Variants in ACOT13 observed in about 807,000 individuals in gnomAD.
ACOT13 encodes the protein acyl-CoA thioesterase 13, also known as acyl-coenzyme A thioesterase 13.
In ACOT13, 10 loss-of-function variants were observed where a neutral mutation model predicts 11.8. The observed-to-expected ratio is 0.85, with a 90% CI of 0.53 to 1.44. The LOEUF is 1.44. ACOT13 is among the 40% of genes most tolerant of loss of function. The pLI is 0.00. For synonymous variants in ACOT13, 53 were observed against 61.0 expected (o/e 0.87, Z 0.61); for missense variants, 172 against 174.1 (o/e 0.99, Z 0.07).
intron 1 of ACOT13, among the ~76,000 whole-genome samples, chr6:24,697,203 A>T (rs774424404): frequency 3.3e-5 from 5 of 152,234 alleles, no homozygotes; most frequent in Non-Finnish European, 2.9e-5. Flanking sequence ...TTATTGTTAC[A>T]TTTACACTTT....
chr6:24,682,895 T>A (rs1429298134), intron 1 of ACOT13, among the ~76,000 whole-genome samples: 5 of 152,162 alleles, frequency 3.3e-5, no homozygotes, highest in African/African-American at 1.2e-4. Flanking sequence ...CCGATCCTTG[T>A]CCCTCCCACT....
At chr6:24,699,240 C>T (rs1200465664) in intron 2 of ACOT13, among the ~76,000 whole-genome samples, 7 of 139,346 alleles carry the variant, frequency 5.0e-5, no homozygotes, top group South Asian at 4.5e-4. Flanking sequence ...GACGGAGTCT[C>T]GCTTTGTGGC....
rs1018565930 is a variant in ACOT13, at chr6:24,704,515, T to C, written c.*2900T>C. On this transcript the variant is annotated 3_prime_UTR_variant, in exon 3 of 3. Transcript: ENST00000230048. ...GCAAGTTACTTAACCTCTGCATCTA[T>C]TTCCACCAAAGGTTGAGAGGTTAAG... 6.6e-6 allele frequency: 1 copy of C among 152,214 alleles called. No homozygotes were observed. The highest frequency in any genetic ancestry group is 1.5e-5 in the Non-Finnish European group (1 of 68,030). 9.4% of individuals were successfully genotyped at this position (152,214 alleles called of 1,614,324 possible).
intron 1 of ACOT13, among the ~76,000 whole-genome samples, chr6:24,688,033 T>C (rs1207006790): frequency 6.6e-6 from 1 of 152,020 alleles, no homozygotes; most frequent in Non-Finnish European, 1.5e-5. Context: ...ATCTTATACT[T>C]ACTATTAATA....
intron 1 of ACOT13, among the ~76,000 whole-genome samples, chr6:24,673,670 TATA>T (rs1778397415): frequency 1.3e-5 from 2 of 152,206 alleles, no homozygotes; most frequent in Admixed American, 1.3e-4. Flanking sequence ...CAAATTCTCT[TATA>T]ATTTATTAAG....
intron 1 of ACOT13, among the ~76,000 whole-genome samples, chr6:24,676,547 G>A (rs986802988): frequency 3.3e-5 from 5 of 152,174 alleles, no homozygotes; most frequent in Admixed American, 6.5e-5. Flanking sequence ...GTATAGGAAT[G>A]CTTGTGATTT....
chr6:24,691,360 T>A (rs1778714670), intron 1 of ACOT13, among the ~76,000 whole-genome samples: 1 of 152,154 alleles, frequency 6.6e-6, no homozygotes, highest in Non-Finnish European at 1.5e-5. Flanking sequence ...GATACATCAG[T>A]GAACACAACT....
rs1185180859 is a variant in ACOT13 at position 24,704,883 on chromosome 6, C to G, written c.*3268C>G. The G allele has an allele frequency of 6.6e-6, 1 of 152,174 alleles. No homozygotes were observed. Among genetic ancestry groups the G allele is most frequent in the African/African-American group, 2.4e-5 (1 of 41,428 alleles). 9.4% of individuals were successfully genotyped at this position (152,174 alleles called of 1,614,324 possible). A position where few individuals can be genotyped will look rare whatever the true frequency, so the allele number is the denominator to read the frequency against. On this transcript the variant is annotated 3_prime_UTR_variant, in exon 3 of 3. Coordinates refer to ENST00000230048, the MANE Select transcript of ACOT13 (RefSeq NM_018473.4). ...AACTTTGTGTATTCACCTGAATAGTCAGGGAACTTTCACCTATTTTATTTA... is the reference window on the plus strand; with the variant it reads ...AACTTTGTGTATTCACCTGAATAGTGAGGGAACTTTCACCTATTTTATTTA...
intron 2 of ACOT13, 117 bp from the exon 3 acceptor site, chr6:24,701,342 T>C (rs1778887701): frequency 4.6e-6 from 4 of 877,900 alleles, no homozygotes; most frequent in Non-Finnish European, 5.0e-6. Flanking sequence ...TTACCAATAC[T>C]ACCGTTAAAA....
Position 24,697,874 on chromosome 6 carries a change from T to TA in ACOT13, c.82-8dup, listed in dbSNP as rs752291562. ...AATTAATGTTCAGGATTCTTTTTTT[T>TA]ACACTTAGATTACTCTTGTCTCTGC... is the stretch of plus-strand genomic sequence containing the variant. On this transcript the variant is annotated splice_polypyrimidine_tract_variant and intron_variant, in intron 1 of 2. Coordinates refer to ENST00000230048, the MANE Select transcript of ACOT13 (RefSeq NM_018473.4). 4.0e-5 allele frequency: 64 copies of TA among 1,581,124 alleles called. No individual in the cohort carries two copies. Among genetic ancestry groups the TA allele is most frequent in the African/African-American group, 6.8e-5 (5 of 73,132 alleles).
At chr6:24,698,652 T>C (rs1013952219) in intron 2 of ACOT13, among the ~76,000 whole-genome samples, 7 of 151,956 alleles carry the variant, frequency 4.6e-5, no homozygotes, top group African/African-American at 1.7e-4. Flanking sequence ...GTTTTTTTTT[T>C]TTTTTGGACA....
chr6:24,701,774 G>A lies in ACOT13; in HGVS notation c.*159G>A. On this transcript the variant is annotated 3_prime_UTR_variant, in exon 3 of 3. Coordinates refer to ENST00000230048, the MANE Select transcript of ACOT13 (RefSeq NM_018473.4). Reference sequence around the variant, plus strand: ...GATATCAAGTAGGGTAAAGGTGGGGGTGTCTTTTTTCACTTTAAGCATCTT... The same window carrying A: ...GATATCAAGTAGGGTAAAGGTGGGGATGTCTTTTTTCACTTTAAGCATCTT... The A allele has an allele frequency of 3.0e-6, 2 of 666,752 alleles. No homozygotes were observed. Among genetic ancestry groups the A allele is most frequent in the Non-Finnish European group, 2.3e-6 (1 of 432,970 alleles). 41.3% of individuals were successfully genotyped at this position (666,752 alleles called of 1,614,324 possible).
intron 2 of ACOT13, among the ~76,000 whole-genome samples, chr6:24,700,115 A>AGT (rs1204239262): frequency 3.3e-5 from 5 of 152,230 alleles, no homozygotes; most frequent in Non-Finnish European, 7.3e-5. Context: ...GATGCCTGTT[A>AGT]GACTGTGACT....
rs1338826095 is a variant in ACOT13, at chr6:24,704,341, G to A, written c.*2726G>A. The stretch of plus-strand genomic sequence containing the variant: ...TTCTAAATTATTCCAAAATAAAAAC[G>A]TAAACAATGGCTGCCAAAATGCCTA... On this transcript the variant is annotated 3_prime_UTR_variant, in exon 3 of 3. Coordinates refer to ENST00000230048, the MANE Select transcript of ACOT13 (RefSeq NM_018473.4). 3 of 152,226 alleles carry A rather than the reference G, an allele frequency of 2.0e-5. No individual in the cohort carries two copies. Among genetic ancestry groups the A allele is most frequent in the African/African-American group, 4.8e-5 (2 of 41,558 alleles). The allele number at this position is 152,226 out of a possible 1,614,324, so 9.4% of individuals were successfully genotyped here. A position where few individuals can be genotyped will look rare whatever the true frequency, so the allele number is the denominator to read the frequency against.
intron 1 of ACOT13, among the ~76,000 whole-genome samples, chr6:24,690,774 TTGC>T (rs1297979737): frequency 1.3e-5 from 2 of 152,226 alleles, no homozygotes; most frequent in African/African-American, 4.8e-5. Context: ...CTTATAACCC[TTGC>T]TGTTTTGTAC....
chr6:24,677,611 A>T lies in ACOT13; in HGVS notation c.81+10267A>T, dbSNP rs538427113. ...GTTTCTTTTGCGACATATAAAGAAA[A>T]GTCTTGCCCCATTGGCAAGCTTACC... On this transcript the variant is annotated intron_variant, in intron 1 of 2. Coordinates refer to ENST00000230048, the MANE Select transcript of ACOT13 (RefSeq NM_018473.4). 5.9e-5 allele frequency among the ~76,000 whole-genome samples: 9 copies of T among 152,266 alleles called. No homozygotes were observed. In the East Asian group the frequency reaches 1.7e-3, roughly 29 times the overall value.
At chr6:24,690,860 T>C (rs998112814) in intron 1 of ACOT13, among the ~76,000 whole-genome samples, 1 of 152,224 alleles carries the variant, frequency 6.6e-6, no homozygotes, top group African/African-American at 2.4e-5. Flanking sequence ...CCTGCCATTT[T>C]CACTTATCCT....
chr6:24,692,206 A>G (rs750899764), intron 1 of ACOT13, among the ~76,000 whole-genome samples: 1 of 152,140 alleles, frequency 6.6e-6, no homozygotes, highest in Non-Finnish European at 1.5e-5. Flanking sequence ...AGGTGGTGTC[A>G]TGGGAGTTAA....
intron 1 of ACOT13, among the ~76,000 whole-genome samples, chr6:24,669,392 A>G (rs1312666874): frequency 6.6e-6 from 1 of 152,168 alleles, no homozygotes; most frequent in East Asian, 1.9e-4. Context: ...TACCTTTCCT[A>G]AGGAGGCAGT....
Sources: gnomAD v4.1 joint callset for allele counts (sites outside exome capture counted in the v4.1 genomes callset) on GRCh38, gnomAD v4.1.1 for gene constraint, MANE v1.5 for transcripts, NCBI Gene and HGNC (gene_info 2026-07-23, HGNC 2026-07-21) for gene names.